The following STEAP1B variants were observed in gnomAD, a reference collection of about 807,000 sequenced individuals.
STEAP1B encodes STEAP family member 1B.
STEAP1B carries 13 observed loss-of-function variants against 27.9 expected under a neutral mutation model. The ratio of observed to expected loss-of-function variants is 0.47; its 90% CI spans 0.30 to 0.74. The LOEUF (loss-of-function observed/expected upper bound fraction) is 0.74. STEAP1B is among the 30% of genes least tolerant of loss of function. The pLI is 0.06. For missense variants in STEAP1B, 250 were observed against 298.7 expected (o/e 0.84, Z 1.20); for synonymous variants, 86 against 107.1 (o/e 0.80, Z 1.22).
rs34511044 is a variant in STEAP1B, at chr7:22,497,692, G to A, written c.-32+2422C>T. ...TTTGGTGACTTAACCAACTGTATTA[G>A]GCTGTTCTCGCACTGCTATAAAGAA... On this transcript the variant is annotated intron_variant, in intron 1 of 4. Transcript: ENST00000678116. Among the ~76,000 whole-genome samples, 12 of 152,278 alleles carry A rather than the reference G, an allele frequency of 7.9e-5. No individual in the cohort carries two copies. In the East Asian group the frequency reaches 2.3e-3, roughly 29 times the overall value.
At position 22,493,685 on chromosome 7, in the gene STEAP1B, G is replaced by C; in HGVS notation, c.236C>G (p.Ala79Gly). Residue 79 changes from alanine (A) to glycine (G), a missense_variant, in exon 3 of 5, where the codon GCT (alanine) becomes GGT (glycine). By Grantham distance (60) the Ala-to-Gly change is moderately conservative. Transcript: ENST00000678116. ...PQWHLPIKIA[A>G]VMASLTFLYT... The stretch of plus-strand genomic sequence containing the variant: ...AAGAAAAGTCAGAGATGCCATAACA[G>C]CAGCTATTTTAATTGGCAAGTGCCA... The C allele has an allele frequency of 1.2e-6, 2 of 1,614,018 alleles. No individual in the cohort carries two copies. The highest frequency in any genetic ancestry group is 1.7e-6 in the Non-Finnish European group (2 of 1,179,880).
At chr7:22,485,642 C>G (rs1786190593) in intron 4 of STEAP1B, among the ~76,000 whole-genome samples, 1 of 152,110 alleles carries the variant, frequency 6.6e-6, no homozygotes, top group Non-Finnish European at 1.5e-5. Flanking sequence ...TTTATATGCA[C>G]TGGGAAACAA....
Position 22,419,807 on chromosome 7 carries a change from C to A in STEAP1B, c.792G>T (p.Leu264Phe). 6.5e-7 allele frequency: 1 copy of A among 1,550,240 alleles called. No homozygotes were observed. The highest frequency in any genetic ancestry group is 1.2e-5 in the South Asian group (1 of 83,668). ...CTCATGTTACTGGCAGGATCTGTCA[C>A]AAGGTCAGGAAGTTGATCCTACCAT... is the stretch of plus-strand genomic sequence containing the variant. ...QVHGRINFLT[L>F] The change falls in exon 5 of 5, where the codon TTG becomes TTT. Residue 264 changes from leucine to phenylalanine, a missense_variant. Physicochemically the swap from Leu to Phe is conservative, Grantham distance 22. Transcript: ENST00000678116.
chr7:22,483,420 C>T (rs1247501612), intron 4 of STEAP1B, among the ~76,000 whole-genome samples: 1 of 152,198 alleles, frequency 6.6e-6, no homozygotes, highest in Non-Finnish European at 1.5e-5. Context: ...GGGCACTGAG[C>T]TGGCCTTTCT....
intron 4 of STEAP1B, among the ~76,000 whole-genome samples, chr7:22,472,927 G>C (rs1785909631): frequency 6.6e-6 from 1 of 152,118 alleles, no homozygotes; most frequent in Non-Finnish European, 1.5e-5. Context: ...TTCATAAAAT[G>C]GAGAGGATGA....
At chr7:22,431,221 C>T (rs1349187475) in intron 4 of STEAP1B, among the ~76,000 whole-genome samples, 1 of 152,086 alleles carries the variant, frequency 6.6e-6, no homozygotes, top group Non-Finnish European at 1.5e-5. Context: ...GATACAGCTT[C>T]TCCTCCTCTT....
At chr7:22,450,255 C>T (rs1445789797) in intron 4 of STEAP1B, among the ~76,000 whole-genome samples, 1 of 152,160 alleles carries the variant, frequency 6.6e-6, no homozygotes, top group African/African-American at 2.4e-5. Flanking sequence ...TTGCCCAGAC[C>T]AATGTCCTGG....
chr7:22,454,698 G>A (rs1033610156), intron 4 of STEAP1B, among the ~76,000 whole-genome samples: 1 of 151,884 alleles, frequency 6.6e-6, no homozygotes, highest in Non-Finnish European at 1.5e-5. Context: ...GGAGCTGGAT[G>A]CTAGAGGAGC....
chr7:22,450,676 T>C (rs1785473419), intron 4 of STEAP1B, among the ~76,000 whole-genome samples: 1 of 152,102 alleles, frequency 6.6e-6, no homozygotes, highest in South Asian at 2.1e-4. Context: ...TATTTCTATT[T>C]CTGTGAAGAA....
intron 4 of STEAP1B, among the ~76,000 whole-genome samples, chr7:22,441,148 T>C (rs952912905): frequency 6.6e-6 from 1 of 152,182 alleles, no homozygotes; most frequent in African/African-American, 2.4e-5. Context: ...GGAATTAATT[T>C]GTTAGTCAAT....
Position 22,451,640 on chromosome 7 carries a change from T to A in STEAP1B, c.763-31804A>T, listed in dbSNP as rs140885663. Among the ~76,000 whole-genome samples, 771 of 152,362 alleles carry A rather than the reference T, an allele frequency of 5.1e-3. 9 individuals carry two copies. The highest frequency in any genetic ancestry group is 0.017 in the African/African-American group (697 of 41,594). The stretch of plus-strand genomic sequence containing the variant: ...TTATCAAATAATTTTTCAGCATCAA[T>A]TGAAATGATATGGTTTTTATCCTTC... On this transcript the variant is annotated intron_variant, in intron 4 of 4. Coordinates refer to ENST00000678116, the MANE Select transcript of STEAP1B (RefSeq NM_001382447.1).
intron 4 of STEAP1B, chr7:22,438,334 ATTTTTCTACATAATACTGTTAGTGAAGAT>A: frequency 1.1e-6 from 1 of 913,550 alleles, no homozygotes. Flanking sequence ...CACATGTTTT[ATTTTTCTACATAATACTGTTAGTGAAGAT>A]TGCATTAAAA....
At chr7:22,497,671 G>A (rs1254845566) in intron 1 of STEAP1B, among the ~76,000 whole-genome samples, 1 of 152,168 alleles carries the variant, frequency 6.6e-6, no homozygotes, top group Non-Finnish European at 1.5e-5. Context: ...AAGTCATTTG[G>A]TGACTTAACC....
intron 4 of STEAP1B, among the ~76,000 whole-genome samples, chr7:22,421,831 G>T (rs1785046449): frequency 6.6e-6 from 1 of 152,126 alleles, no homozygotes; most frequent in Non-Finnish European, 1.5e-5. Flanking sequence ...AACTCATTAG[G>T]TACTCAGTAA....
intron 4 of STEAP1B, among the ~76,000 whole-genome samples, chr7:22,442,731 T>C (rs1054688277): frequency 1.3e-5 from 2 of 152,022 alleles, no homozygotes; most frequent in Non-Finnish European, 2.9e-5. Flanking sequence ...GTTTGAGACA[T>C]TGAGAAAGGG....
intron 4 of STEAP1B, among the ~76,000 whole-genome samples, chr7:22,451,561 GTA>G (rs1393638246): frequency 6.6e-6 from 1 of 152,110 alleles, no homozygotes; most frequent in Non-Finnish European, 1.5e-5. Context: ...TTATGTTGAG[GTA>G]TATTTTATCT....
At chr7:22,436,782 T>A (rs148997346) in intron 4 of STEAP1B, among the ~76,000 whole-genome samples, 6 of 152,364 alleles carry the variant, frequency 3.9e-5, no homozygotes, top group African/African-American at 1.4e-4. Context: ...ATTTTCTTTA[T>A]CTAGTCTATC....
At chr7:22,458,606 C>G (rs546058481) in intron 4 of STEAP1B, among the ~76,000 whole-genome samples, 2 of 152,232 alleles carry the variant, frequency 1.3e-5, no homozygotes, top group South Asian at 4.1e-4. Flanking sequence ...CAGCGCACCA[C>G]TGGGTAGGCC....
At position 22,419,837 on chromosome 7, in the gene STEAP1B, C is replaced by T; in HGVS notation, c.763-1G>A. 6.5e-7 allele frequency: 1 copy of T among 1,549,472 alleles called. No individual in the cohort carries two copies. Among genetic ancestry groups the T allele is most frequent in the Non-Finnish European group, 8.7e-7 (1 of 1,145,678 alleles). ...TCAGGAAGTTGATCCTACCATGTAC[C>T]TGGAAGGCAGACAGCAAGAAAGAGT... On this transcript the variant is annotated splice_acceptor_variant, in intron 4 of 4. Transcript: ENST00000678116. LOFTEE classifies it high-confidence loss of function.
Sources: allele counts gnomAD v4.1 joint callset (sites outside exome capture counted in the v4.1 genomes callset), GRCh38; gene constraint gnomAD v4.1.1; transcripts MANE v1.5; gene names NCBI Gene and HGNC (gene_info 2026-07-23, HGNC 2026-07-21).